Variants in PDE8A observed in about 807,000 individuals in gnomAD.
PDE8A encodes the protein high affinity cAMP-specific and IBMX-insensitive 3',5'-cyclic phosphodiesterase 8A.
Under a neutral mutation model 105.0 loss-of-function variants are expected in PDE8A, and 59 were observed. That is an observed-to-expected ratio of 0.56 (90% CI 0.46 to 0.70). The LOEUF (loss-of-function observed/expected upper bound fraction) is 0.70. Ranked by LOEUF, PDE8A falls within the 30% of genes least tolerant of loss-of-function variation. The pLI is 0.00. For missense variants in PDE8A, 1,014 were observed against 1,045.9 expected (o/e 0.97, Z 0.42); for synonymous variants, 355 against 371.9 (o/e 0.95, Z 0.52).
chr15:85,045,410 GAATTA>G (rs146683513), intron 1 of PDE8A, among the ~76,000 whole-genome samples: 9,567 of 152,174 alleles, frequency 0.063, 427 homozygotes, highest in Non-Finnish European at 0.096. Flanking sequence ...AAGATCACAG[GAATTA>G]AATTCAGACA....
intron 16 of PDE8A, among the ~76,000 whole-genome samples, chr15:85,116,804 CT>C (rs1405813504): frequency 6.6e-6 from 1 of 152,204 alleles, no homozygotes; most frequent in East Asian, 1.9e-4. Context: ...AACTCCCTGA[CT>C]TTTTCAGGCT....
chr15:85,112,637 A>T (rs2082037108), intron 12 of PDE8A, among the ~76,000 whole-genome samples: 1 of 152,186 alleles, frequency 6.6e-6, no homozygotes, highest in Non-Finnish European at 1.5e-5. Context: ...TGGTAAAATG[A>T]GGTTGACACA....
rs552679040 is a variant in PDE8A at position 85,133,473 on chromosome 15, C to T, written c.2254-3061C>T. Among the ~76,000 whole-genome samples, 10 of 152,264 alleles carry T rather than the reference C, an allele frequency of 6.6e-5. No individual in the cohort carries two copies. The East Asian group carries it at 1.2e-3, about 18-fold the overall frequency. On this transcript the variant is annotated intron_variant, in intron 20 of 21. Transcript: ENST00000394553. ...CTGCCTCCTCCAGACCAAGATTGTA[C>T]CACACTGGGGAAGTGTGGTGCAAGG...
intron 1 of PDE8A, chr15:85,064,031 T>G: frequency 5.0e-6 from 1 of 199,718 alleles, no homozygotes. Context: ...ATTGGGGGGC[T>G]CTCTATATTG....
At chr15:85,072,044 C>T (rs1051060125) in intron 3 of PDE8A, among the ~76,000 whole-genome samples, 5 of 152,146 alleles carry the variant, frequency 3.3e-5, no homozygotes, top group Non-Finnish European at 7.3e-5. Context: ...AAACCCAAAA[C>T]GCATTAACAG....
At chr15:85,098,859 A>G (rs573018043) in intron 9 of PDE8A, among the ~76,000 whole-genome samples, 1 of 152,050 alleles carries the variant, frequency 6.6e-6, no homozygotes, top group East Asian at 1.9e-4. Context: ...CAGGGGGCCG[A>G]TGTGGGAGAA....
chr15:85,071,122 G>A (rs554911160), intron 3 of PDE8A, among the ~76,000 whole-genome samples: 5 of 152,360 alleles, frequency 3.3e-5, no homozygotes, highest in African/African-American at 9.6e-5. Flanking sequence ...TACTGTATCT[G>A]TCGTACCGTG....
chr15:85,016,692 C>G (rs1385307383), intron 1 of PDE8A, among the ~76,000 whole-genome samples: 1 of 152,124 alleles, frequency 6.6e-6, no homozygotes, highest in Admixed American at 6.5e-5. Flanking sequence ...GAAGAAAACT[C>G]AAAGGTTTTT....
At chr15:85,106,537 T>C (rs113276029) in intron 11 of PDE8A, among the ~76,000 whole-genome samples, 1,689 of 152,232 alleles carry the variant, frequency 0.011, 13 homozygotes, top group Non-Finnish European at 0.017. Flanking sequence ...GCTCATCAGG[T>C]GGCTATGTGG....
At chr15:85,032,425 T>A (rs531965680) in intron 1 of PDE8A, among the ~76,000 whole-genome samples, 1 of 152,136 alleles carries the variant, frequency 6.6e-6, no homozygotes, top group Non-Finnish European at 1.5e-5. Context: ...GGAACAAAGG[T>A]CATGGAAACA....
chr15:85,041,854 C>T (rs912349149), intron 1 of PDE8A, among the ~76,000 whole-genome samples: 2 of 152,150 alleles, frequency 1.3e-5, no homozygotes, highest in Admixed American at 1.3e-4. Context: ...GATCTGAAGG[C>T]CTTCATCTGC....
intron 1 of PDE8A, among the ~76,000 whole-genome samples, chr15:84,995,436 A>G (rs188745231): frequency 1.3e-5 from 2 of 151,166 alleles, no homozygotes; most frequent in East Asian, 1.9e-4. Flanking sequence ...TCCCACCTCA[A>G]CCTCCTGGGT....
chr15:85,097,763 T>C, intron 8 of PDE8A, 185 bp from the exon 9 acceptor site: 1 of 565,280 alleles, frequency 1.8e-6, no homozygotes, highest in Non-Finnish European at 3.2e-6. Flanking sequence ...TGTCAGCAAC[T>C]CAGAAGGAGG....
intron 5 of PDE8A, among the ~76,000 whole-genome samples, chr15:85,078,419 A>T (rs1452403632): frequency 1.3e-5 from 2 of 151,818 alleles, no homozygotes; most frequent in Non-Finnish European, 2.9e-5. Context: ...GGTGGTGCAC[A>T]CCTGTAATCC....
chr15:85,092,679 G>A (rs2081665772), intron 8 of PDE8A, among the ~76,000 whole-genome samples: 1 of 152,110 alleles, frequency 6.6e-6, no homozygotes, highest in Admixed American at 6.6e-5. Context: ...CTTCCACTGA[G>A]GCATTCCATG....
At chr15:85,127,719 C>A (rs2082276846) in intron 20 of PDE8A, among the ~76,000 whole-genome samples, 1 of 152,126 alleles carries the variant, frequency 6.6e-6, no homozygotes, top group South Asian at 2.1e-4. Flanking sequence ...TACTGGAAGG[C>A]TCAGTGTTAA....
chr15:85,030,975 G>A (rs1454591341), intron 1 of PDE8A, among the ~76,000 whole-genome samples: 1 of 152,162 alleles, frequency 6.6e-6, no homozygotes, highest in African/African-American at 2.4e-5. Context: ...TGGGATTTAT[G>A]TTTTTATTTC....
chr15:85,055,692 G>T (rs1244828983), intron 1 of PDE8A, among the ~76,000 whole-genome samples: 1 of 152,040 alleles, frequency 6.6e-6, no homozygotes, highest in Non-Finnish European at 1.5e-5. Context: ...TTTATTTTGA[G>T]CCTGTGTGTG....
At chr15:84,995,394 A>T (rs1255251267) in intron 1 of PDE8A, among the ~76,000 whole-genome samples, 1 of 151,502 alleles carries the variant, frequency 6.6e-6, no homozygotes, top group Non-Finnish European at 1.5e-5. Flanking sequence ...AGTTAACTGC[A>T]GCCTTGACTT....
Sources: gnomAD v4.1 joint callset for allele counts (sites outside exome capture counted in the v4.1 genomes callset) on GRCh38, gnomAD v4.1.1 for gene constraint, MANE v1.5 for transcripts, NCBI Gene and HGNC (gene_info 2026-07-23, HGNC 2026-07-21) for gene names.